Variants in AMMECR1L observed in about 807,000 individuals in gnomAD.
The protein encoded by AMMECR1L is AMMECR1-like protein.
Under a neutral mutation model 36.8 loss-of-function variants are expected in AMMECR1L, and 4 were observed. The ratio of observed to expected loss-of-function variants is 0.11; its 90% CI spans 0.05 to 0.25. The LOEUF is 0.25. Ranked by LOEUF, AMMECR1L falls within the 10% of genes least tolerant of loss-of-function variation. The probability of loss-of-function intolerance (pLI) is 1.00; values close to 1 mark genes in which losing one functional copy is unlikely to be tolerated. For synonymous variants in AMMECR1L, 147 were observed against 148.0 expected (o/e 0.99, Z 0.05); for missense variants, 232 against 392.1 (o/e 0.59, Z 3.45).
intron 7 of AMMECR1L, among the ~76,000 whole-genome samples, chr2:127,866,640 G>T (rs542168241): frequency 6.6e-6 from 1 of 152,192 alleles, no homozygotes; most frequent in Non-Finnish European, 1.5e-5. Flanking sequence ...CCAACCACGT[G>T]GGTCTGGCAA....
At chr2:127,883,829 T>C (rs1037909581) in intron 2 of AMMECR1L, among the ~76,000 whole-genome samples, 3 of 152,202 alleles carry the variant, frequency 2.0e-5, no homozygotes, top group Non-Finnish European at 2.9e-5. Context: ...GAACCAATAA[T>C]TGACTTTGAT....
rs1690885542 is a variant in AMMECR1L at position 127,870,000 on chromosome 2, T to A, written c.634-456A>T. Among the ~76,000 whole-genome samples the A allele has an allele frequency of 6.6e-6, 1 of 152,260 alleles. No individual in the cohort carries two copies. Among genetic ancestry groups the A allele is most frequent in the East Asian group, 1.9e-4 (1 of 5,166 alleles). On this transcript the variant is annotated intron_variant, in intron 5 of 7. Transcript: ENST00000272647. This position sits in a 1 kb window ranked among gnomAD's most constrained non-coding sequence, Gnocchi z 4.7. ...GAGTTTGAGACCAGGCTGGCCAACATGGTGAAACCCTGTCTCTACTAAAAA... is the reference window on the plus strand; with the variant it reads ...GAGTTTGAGACCAGGCTGGCCAACAAGGTGAAACCCTGTCTCTACTAAAAA...
chr2:127,882,983 G>A (rs550835514), intron 2 of AMMECR1L, among the ~76,000 whole-genome samples: 36 of 150,800 alleles, frequency 2.4e-4, no homozygotes, highest in African/African-American at 8.3e-4. Flanking sequence ...GGGCTCAAGC[G>A]ATCCTCCTGC....
At chr2:127,866,825 T>C in intron 7 of AMMECR1L, 75 bp downstream of exon 7, 2 of 1,363,640 alleles carry the variant, frequency 1.5e-6, no homozygotes, top group Non-Finnish European at 2.1e-6. Context: ...ACACTTCTTC[T>C]CCATCCCATC....
Position 127,863,609 on chromosome 2 carries a change from A to T in AMMECR1L, c.*1485T>A, listed in dbSNP as rs949450916. ...ATAAACTTCAAAAAATAAATTAAAT[A>T]AAAACATGTTCACTGGGTTGACACC... On this transcript the variant is annotated 3_prime_UTR_variant, in exon 8 of 8. Coordinates refer to ENST00000272647, the MANE Select transcript of AMMECR1L (RefSeq NM_001199140.2). 6.6e-6 allele frequency: 1 copy of T among 152,302 alleles called. No homozygotes were observed. Among genetic ancestry groups the T allele is most frequent in the Non-Finnish European group, 1.5e-5 (1 of 67,954 alleles). The allele number at this position is 152,302 out of a possible 1,614,324, so 9.4% of individuals were successfully genotyped here.
intron 1 of AMMECR1L, chr2:127,885,252 G>C (rs1038524614): frequency 1.0e-6 from 1 of 984,124 alleles, no homozygotes; most frequent in African/African-American, 1.7e-5. Flanking sequence ...AGGACAGAGC[G>C]GGGAGGGGAA....
rs1415489678 is a variant in AMMECR1L at position 127,862,342 on chromosome 2, T to G, written c.*2752A>C. 6.5e-6 allele frequency: 1 copy of G among 153,774 alleles called. No homozygotes were observed. The highest frequency in any genetic ancestry group is 2.4e-5 in the African/African-American group (1 of 41,456). 9.5% of individuals were successfully genotyped at this position (153,774 alleles called of 1,614,324 possible). A position where few individuals can be genotyped will look rare whatever the true frequency, so the allele number is the denominator to read the frequency against. Reference sequence around the variant, plus strand: ...CTCAGCAGAAAACATTCCCTTTTCTTTAAACCTACCACGCACACCGCAGGT... The same window carrying G: ...CTCAGCAGAAAACATTCCCTTTTCTGTAAACCTACCACGCACACCGCAGGT... On this transcript the variant is annotated 3_prime_UTR_variant, in exon 8 of 8. Transcript: ENST00000272647.
chr2:127,865,076 T>C lies in AMMECR1L; in HGVS notation c.*18A>G. 3 of 1,597,248 alleles carry C rather than the reference T, an allele frequency of 1.9e-6. No individual in the cohort carries two copies. Among genetic ancestry groups the C allele is most frequent in the Non-Finnish European group, 2.6e-6 (3 of 1,166,516 alleles). On this transcript the variant is annotated 3_prime_UTR_variant, in exon 8 of 8. Coordinates refer to ENST00000272647, the MANE Select transcript of AMMECR1L (RefSeq NM_001199140.2). The surrounding 1 kb of genome is among the most constrained non-coding windows in gnomAD (Gnocchi z 5.4). Reference sequence around the variant, plus strand: ...ATTGGTGGCCACGGGGGGGTGGGACTGGTCATGCAGCCGTGTGTCAGGAGT... The same window carrying C: ...ATTGGTGGCCACGGGGGGGTGGGACCGGTCATGCAGCCGTGTGTCAGGAGT...
rs1398833425 is a variant in AMMECR1L, at chr2:127,884,212, A to G, written c.-48T>C. 1 of 152,224 alleles carries G rather than the reference A, an allele frequency of 6.6e-6. No individual in the cohort carries two copies. The highest frequency in any genetic ancestry group is 1.5e-5 in the Non-Finnish European group (1 of 68,044). 9.4% of individuals were successfully genotyped at this position (152,224 alleles called of 1,614,324 possible). A position where few individuals can be genotyped will look rare whatever the true frequency, so the allele number is the denominator to read the frequency against. Reference sequence around the variant, plus strand: ...CCAAGATAATACTCACTGAAAGCAGAAAGTTTGTATTGCCAGAGGAACAGC... The same window carrying G: ...CCAAGATAATACTCACTGAAAGCAGGAAGTTTGTATTGCCAGAGGAACAGC... On this transcript the variant is annotated 5_prime_UTR_variant, in exon 2 of 8. Transcript: ENST00000272647.
Position 127,873,199 on chromosome 2 carries a change from A to T in AMMECR1L, c.407+629T>A, listed in dbSNP as rs1691070669. ...GCGGCTTCCAATTCTGAGGAAGAAG[A>T]AAATGCTAGCATGGAATTCTTCAGT... On this transcript the variant is annotated intron_variant, in intron 3 of 7. Coordinates refer to ENST00000272647, the MANE Select transcript of AMMECR1L (RefSeq NM_001199140.2). This position sits in a 1 kb window ranked among gnomAD's most constrained non-coding sequence, Gnocchi z 5.2. 17 of 985,454 alleles carry T rather than the reference A, an allele frequency of 1.7e-5. No homozygotes were observed. The highest frequency in any genetic ancestry group is 2.0e-5 in the Non-Finnish European group (17 of 829,892). The allele number at this position is 985,454 out of a possible 1,614,324, so 61.0% of individuals were successfully genotyped here. A position where few individuals can be genotyped will look rare whatever the true frequency, so the allele number is the denominator to read the frequency against.
chr2:127,863,196 C>T lies in AMMECR1L; in HGVS notation c.*1898G>A, dbSNP rs1690539153. 6.6e-6 allele frequency: 1 copy of T among 152,604 alleles called. No homozygotes were observed. Among genetic ancestry groups the T allele is most frequent in the South Asian group, 2.1e-4 (1 of 4,830 alleles). The allele number at this position is 152,604 out of a possible 1,614,324, so 9.5% of individuals were successfully genotyped here. A position where few individuals can be genotyped will look rare whatever the true frequency, so the allele number is the denominator to read the frequency against. Reference sequence around the variant, plus strand: ...ACCACCCTGACATCGATCCATGGCACCTAAGAGTAACCGTTGCCACGTTTT... The same window carrying T: ...ACCACCCTGACATCGATCCATGGCATCTAAGAGTAACCGTTGCCACGTTTT... On this transcript the variant is annotated 3_prime_UTR_variant, in exon 8 of 8. Transcript: ENST00000272647.
chr2:127,875,819 G>A (rs1691212136), intron 2 of AMMECR1L, among the ~76,000 whole-genome samples: 1 of 151,822 alleles, frequency 6.6e-6, no homozygotes, highest in African/African-American at 2.4e-5. Context: ...TTAAGAGACA[G>A]GTCTCATTCT....
intron 2 of AMMECR1L, among the ~76,000 whole-genome samples, chr2:127,881,495 G>GT (rs1277640145): frequency 6.6e-6 from 1 of 151,994 alleles, no homozygotes; most frequent in African/African-American, 2.4e-5. Flanking sequence ...AGATTTTGAG[G>GT]TTACAATCTC....
At chr2:127,875,139 C>A (rs115406746) in intron 2 of AMMECR1L, among the ~76,000 whole-genome samples, 1 of 151,312 alleles carries the variant, frequency 6.6e-6, no homozygotes, top group South Asian at 2.1e-4. Context: ...GCTGATGATG[C>A]GAAGGGAAGG....
chr2:127,873,581 C>CA lies in AMMECR1L; in HGVS notation c.407+246dup. 1 of 985,444 alleles carries CA rather than the reference C, an allele frequency of 1.0e-6. No homozygotes were observed. Among genetic ancestry groups the CA allele is most frequent in the Non-Finnish European group, 1.2e-6 (1 of 829,944 alleles). 61.0% of individuals were successfully genotyped at this position (985,444 alleles called of 1,614,324 possible). A position where few individuals can be genotyped will look rare whatever the true frequency, so the allele number is the denominator to read the frequency against. ...CCAACAGAAGAGCCAAGAATGAACT[C>CA]ACTTGATTTCCAGAACATTACTTTA... On this transcript the variant is annotated intron_variant, in intron 3 of 7. Coordinates refer to ENST00000272647, the MANE Select transcript of AMMECR1L (RefSeq NM_001199140.2). The surrounding 1 kb of genome is among the most constrained non-coding windows in gnomAD (Gnocchi z 5.2).
At chr2:127,880,259 C>T (rs1476283964) in intron 2 of AMMECR1L, among the ~76,000 whole-genome samples, 1 of 152,178 alleles carries the variant, frequency 6.6e-6, no homozygotes, top group Non-Finnish European at 1.5e-5. Context: ...AAGCTCAGCT[C>T]AAGGGCCATG....
rs1690582540 is a variant in AMMECR1L, at chr2:127,864,186, T to A, written c.*908A>T. 1 of 152,690 alleles carries A rather than the reference T, an allele frequency of 6.5e-6. No homozygotes were observed. The highest frequency in any genetic ancestry group is 6.5e-5 in the Admixed American group (1 of 15,290). The allele number at this position is 152,690 out of a possible 1,614,324, so 9.5% of individuals were successfully genotyped here. ...CCTAAAGCCCAACTCAATCGCTTGT[T>A]TGCACATCTACGCTTCTGAGAACTT... On this transcript the variant is annotated 3_prime_UTR_variant, in exon 8 of 8. Coordinates refer to ENST00000272647, the MANE Select transcript of AMMECR1L (RefSeq NM_001199140.2).
intron 5 of AMMECR1L, among the ~76,000 whole-genome samples, chr2:127,870,432 G>A (rs985925535): frequency 6.6e-6 from 1 of 151,548 alleles, no homozygotes; most frequent in Non-Finnish European, 1.5e-5. Context: ...CCGAGATCAC[G>A]TCACTGCACT....
In AMMECR1L at chr2:127,882,396, T is replaced by C. The variant is rs566030483; in HGVS notation, c.-39+1807A>G. Among the ~76,000 whole-genome samples the C allele has an allele frequency of 3.9e-5, 6 of 152,338 alleles. No homozygotes were observed. The East Asian group carries it at 1.2e-3, about 29-fold the overall frequency. ...TTGAAATTCAATTTAATAATTACAT[T>C]ATGGGTACTGAAATGGCACCTGAGC... On this transcript the variant is annotated intron_variant, in intron 2 of 7. Transcript: ENST00000272647.
Sources: allele counts gnomAD v4.1 joint callset (sites outside exome capture counted in the v4.1 genomes callset), GRCh38; gene constraint gnomAD v4.1.1; non-coding constraint Gnocchi (gnomAD v3.1); transcripts MANE v1.5; gene names NCBI Gene and HGNC (gene_info 2026-07-23, HGNC 2026-07-21).